Variants in SATB2 observed in about 807,000 individuals in gnomAD.
SATB2 encodes the protein SATB homeobox 2, also known as DNA-binding protein SATB2.
A neutral mutation model predicts 73.4 loss-of-function variants in SATB2; 1 was observed. The observed-to-expected ratio is 0.01, with a 90% CI of 0.00 to 0.06. SATB2 has a LOEUF of 0.06. Among genes scored for constraint, SATB2 ranks in the 10% least tolerant of loss-of-function variants. SATB2 has a pLI of 1.00. For synonymous variants in SATB2, 397 were observed against 367.0 expected, an observed-to-expected ratio of 1.08 and a Z score of -0.93; for missense variants, 459 against 945.8, an observed-to-expected ratio of 0.49 and a Z score of 6.75.
Position 199,432,898 on chromosome 2 carries a change from C to CA in SATB2, c.346+439dup, listed in dbSNP as rs1428506804. Among the ~76,000 whole-genome samples the CA allele has an allele frequency of 2.0e-5, 3 of 151,902 alleles. No individual in the cohort carries two copies. In the East Asian group the frequency reaches 5.8e-4, roughly 29 times the overall value. Reference sequence around the variant, plus strand: ...AACTACAAAACAGTTTTCAAAGAAACAAAAGGATAAAAGACATCCATTTTT... The same window carrying CA: ...AACTACAAAACAGTTTTCAAAGAAACAAAAAGGATAAAAGACATCCATTTTT... On this transcript the variant is annotated intron_variant, in intron 3 of 10. Transcript: ENST00000417098.
Position 199,409,167 on chromosome 2 carries a change from C to CTTTTTT in SATB2, c.346+24165_346+24170dup, listed in dbSNP as rs67330007. ...GCTCCAACATTTTCTTTTTTCTTTT[C>CTTTTTT]TTTTTTTTTTTTTTTTTTTGAGACG... On this transcript the variant is annotated intron_variant, in intron 3 of 10. Coordinates refer to ENST00000417098, the MANE Select transcript of SATB2 (RefSeq NM_001172509.2). 3.1e-3 allele frequency among the ~76,000 whole-genome samples: 359 copies of CTTTTTT among 115,122 alleles called. 1 individual carries two copies. The highest frequency in any genetic ancestry group is 4.9e-3 in the Non-Finnish European group (273 of 55,790). The allele number at this position is 115,122 out of a possible 152,430, so 75.5% of individuals were successfully genotyped here. A position where few individuals can be genotyped will look rare whatever the true frequency, so the allele number is the denominator to read the frequency against.
intron 7 of SATB2, chr2:199,329,285 C>A: frequency 4.3e-6 from 1 of 233,998 alleles, no homozygotes; most frequent in Non-Finnish European, 8.6e-6. Flanking sequence ...CTTGGCAGTC[C>A]TGCTTAGCTT....
intron 3 of SATB2, among the ~76,000 whole-genome samples, chr2:199,403,957 A>G (rs1040380154): frequency 2.0e-5 from 3 of 152,244 alleles, no homozygotes; most frequent in African/African-American, 4.8e-5. Flanking sequence ...CAATCTGTCA[A>G]TAAGGTGTTT....
chr2:199,336,269 T>C (rs1444469030), intron 7 of SATB2, among the ~76,000 whole-genome samples: 1 of 152,146 alleles, frequency 6.6e-6, no homozygotes, highest in African/African-American at 2.4e-5. Context: ...GTTTTACTAG[T>C]AGTGTTCTTC....
chr2:199,418,978 C>G (rs1185718731), intron 3 of SATB2, among the ~76,000 whole-genome samples: 5 of 152,176 alleles, frequency 3.3e-5, no homozygotes, highest in African/African-American at 1.2e-4. Flanking sequence ...CCCATCACTG[C>G]AGAGCAAAAC....
chr2:199,283,937 C>A (rs1349805174), intron 10 of SATB2, among the ~76,000 whole-genome samples: 1 of 152,166 alleles, frequency 6.6e-6, no homozygotes, highest in Non-Finnish European at 1.5e-5. Flanking sequence ...AAAGCTGAGC[C>A]ACCCATCTTT....
upstream of SATB2, chr2:199,458,376 G>A (rs1484002792): frequency 9.7e-6 from 3 of 308,210 alleles, no homozygotes; most frequent in Admixed American, 1.3e-4. Context: ...GAAGAGGAAG[G>A]GGAGAGTCGG....
rs71015897 is a variant in SATB2, at chr2:199,366,902, G to GCA, written c.700+1701_700+1702dup. On this transcript the variant is annotated intron_variant, in intron 6 of 10. Transcript: ENST00000417098. ...AAGATATGAGTGTTAATGTGCGAAT[G>GCA]CACACACACACACACACACAAACAC... is the stretch of plus-strand genomic sequence containing the variant. Among the ~76,000 whole-genome samples the GCA allele has an allele frequency of 9.0e-3, 1,347 of 149,292 alleles. 13 individuals are homozygous for GCA. Among genetic ancestry groups the GCA allele is most frequent in the African/African-American group, 0.024 (986 of 40,638 alleles).
chr2:199,439,069 T>C (rs1310446434), intron 2 of SATB2, among the ~76,000 whole-genome samples: 1 of 152,248 alleles, frequency 6.6e-6, no homozygotes, highest in East Asian at 1.9e-4. Flanking sequence ...GTACTACTTG[T>C]AAGTGAATTC....
intron 3 of SATB2, among the ~76,000 whole-genome samples, chr2:199,383,110 G>C (rs1292220393): frequency 1.3e-5 from 2 of 152,122 alleles, no homozygotes; most frequent in African/African-American, 4.8e-5. Flanking sequence ...ATGATACACT[G>C]TTTCAGTATT....
chr2:199,346,265 T>C (rs1334584403), intron 7 of SATB2, among the ~76,000 whole-genome samples: 1 of 151,882 alleles, frequency 6.6e-6, no homozygotes, highest in Non-Finnish European at 1.5e-5. Context: ...TTCTCCTACC[T>C]CAGCCTCCCA....
chr2:199,433,019 A>G (rs1691548640), intron 3 of SATB2, among the ~76,000 whole-genome samples: 1 of 152,214 alleles, frequency 6.6e-6, no homozygotes, highest in Non-Finnish European at 1.5e-5. Context: ...TAAGTCATGT[A>G]TTATAAGTTT....
intron 3 of SATB2, among the ~76,000 whole-genome samples, chr2:199,389,372 A>T (rs1188268314): frequency 6.6e-6 from 1 of 151,548 alleles, no homozygotes; most frequent in Non-Finnish European, 1.5e-5. Context: ...GTAAGTGGAA[A>T]ATGAAACAGC....
At chr2:199,329,382 AT>A (rs1373114767) in intron 7 of SATB2, 2 of 160,384 alleles carry the variant, frequency 1.2e-5, no homozygotes, top group African/African-American at 4.9e-5. Flanking sequence ...AACTGGCTGA[AT>A]TTCTGTATGA....
intron 10 of SATB2, among the ~76,000 whole-genome samples, chr2:199,303,145 C>T (rs959624311): frequency 2.6e-5 from 4 of 152,194 alleles, no homozygotes; most frequent in Non-Finnish European, 5.9e-5. Context: ...TGATAAAAGT[C>T]AGACTCTGAA....
intron 2 of SATB2, among the ~76,000 whole-genome samples, chr2:199,454,286 T>A (rs921296182): frequency 3.3e-5 from 5 of 152,132 alleles, no homozygotes; most frequent in Non-Finnish European, 7.4e-5. Context: ...GATACCAAAA[T>A]TTTAAGTCCA....
At chr2:199,380,596 A>G in intron 4 of SATB2, 109 bp from the exon 5 acceptor site, 1 of 1,335,158 alleles carries the variant, frequency 7.5e-7, no homozygotes, top group South Asian at 1.2e-5. Context: ...CTTCAGAAGA[A>G]ATGCTAAAGA....
chr2:199,368,812 T>C (rs1286584918), intron 5 of SATB2, 105 bp from the exon 6 acceptor site: 1 of 666,848 alleles, frequency 1.5e-6, no homozygotes. Context: ...TCTTTTAAAC[T>C]TAAAACAGTC....
At chr2:199,326,274 G>A (rs1688026629) in intron 8 of SATB2, among the ~76,000 whole-genome samples, 1 of 152,112 alleles carries the variant, frequency 6.6e-6, no homozygotes, top group Admixed American at 6.5e-5. Context: ...TCTAGAGAAT[G>A]TACAAATGCA....
Sources: allele counts gnomAD v4.1 joint callset (sites outside exome capture counted in the v4.1 genomes callset), GRCh38; gene constraint gnomAD v4.1.1; transcripts MANE v1.5; gene names NCBI Gene and HGNC (gene_info 2026-07-23, HGNC 2026-07-21).